WWOX: variants seen among roughly 807,000 people sequenced by gnomAD.
WWOX encodes WW domain containing oxidoreductase, also known as WW domain-containing oxidoreductase.
A neutral mutation model predicts 46.2 loss-of-function variants in WWOX; 69 were observed. The ratio of observed to expected loss-of-function variants is 1.49; its 90% CI spans 1.23 to 1.82. The LOEUF is 1.82. Among genes scored for constraint, WWOX ranks in the 40% most tolerant of loss-of-function variants. The pLI is 0.00. For synonymous variants in WWOX, 359 were observed against 202.6 expected (o/e 1.77, Z -6.56); for missense variants, 919 against 542.6 (o/e 1.69, Z -6.89).
At chr16:78,491,926 C>T (rs1225941414) in intron 8 of WWOX, among the ~76,000 whole-genome samples, 1 of 152,156 alleles carries the variant, frequency 6.6e-6, no homozygotes, top group Admixed American at 6.5e-5. Flanking sequence ...GATTCTGCAG[C>T]CCAGGGTGCT....
intron 5 of WWOX, among the ~76,000 whole-genome samples, chr16:78,365,788 T>A (rs2081523758): frequency 6.6e-6 from 1 of 152,192 alleles, no homozygotes; most frequent in Non-Finnish European, 1.5e-5. Context: ...GCCCCTCCTC[T>A]ATGGCTCCCC....
rs527983029 is a variant in WWOX, at chr16:78,559,452, AAAGAGATGTTCTCCAGCC to A, written c.1056+126703_1056+126720del. Among the ~76,000 whole-genome samples, 803 of 152,276 alleles carry A rather than the reference AAAGAGATGTTCTCCAGCC, an allele frequency of 5.3e-3. 8 individuals are homozygous for A. The highest frequency in any genetic ancestry group is 0.017 in the African/African-American group (727 of 41,560). ...TCAAATTCTAGCATGAGACTGGGAGAAAGAGATGTTCTCCAGCCAATGGATTTATGAAATGAATGAACT... is the reference window on the plus strand; with the variant it reads ...TCAAATTCTAGCATGAGACTGGGAGAAATGGATTTATGAAATGAATGAACT... On this transcript the variant is annotated intron_variant, in intron 8 of 8. Transcript: ENST00000566780.
chr16:78,158,139 T>C (rs191114333), intron 4 of WWOX, among the ~76,000 whole-genome samples: 1 of 152,194 alleles, frequency 6.6e-6, no homozygotes, highest in Non-Finnish European at 1.5e-5. Context: ...TCTGTATAAA[T>C]AGACTGTTTT....
chr16:78,708,770 G>C (rs750801605), intron 8 of WWOX, among the ~76,000 whole-genome samples: 1 of 152,178 alleles, frequency 6.6e-6, no homozygotes, highest in Non-Finnish European at 1.5e-5. Flanking sequence ...GTTGAAATCA[G>C]TGACAGAGGC....
intron 8 of WWOX, among the ~76,000 whole-genome samples, chr16:78,497,787 C>T (rs922116435): frequency 1.3e-5 from 2 of 151,336 alleles, no homozygotes; most frequent in African/African-American, 4.9e-5. Context: ...AGCTGTTTTT[C>T]ACAATGAGAG....
chr16:78,133,290 T>C (rs1002059965), intron 4 of WWOX, among the ~76,000 whole-genome samples: 6 of 152,220 alleles, frequency 3.9e-5, no homozygotes, highest in Non-Finnish European at 8.8e-5. Context: ...AGATGGAGTC[T>C]TGCACTGTCA....
At chr16:78,150,855 C>T (rs2034380926) in intron 4 of WWOX, among the ~76,000 whole-genome samples, 1 of 152,208 alleles carries the variant, frequency 6.6e-6, no homozygotes, top group Middle Eastern at 3.4e-3. Flanking sequence ...TCCCCTCACC[C>T]ACATTGCTCA....
intron 8 of WWOX, among the ~76,000 whole-genome samples, chr16:78,976,616 A>T (rs932412553): frequency 1.3e-5 from 2 of 152,202 alleles, no homozygotes; most frequent in Admixed American, 1.3e-4. Context: ...TCCAAGCCTG[A>T]ACATCCACAC....
intron 8 of WWOX, among the ~76,000 whole-genome samples, chr16:79,034,952 G>A (rs1352176269): frequency 6.6e-6 from 1 of 152,132 alleles, no homozygotes; most frequent in Non-Finnish European, 1.5e-5. Flanking sequence ...TTGAAAGACA[G>A]TAAAGGCAAG....
intron 8 of WWOX, among the ~76,000 whole-genome samples, chr16:79,038,141 G>C (rs927881118): frequency 2.0e-5 from 3 of 152,090 alleles, no homozygotes; most frequent in African/African-American, 7.2e-5. Flanking sequence ...GTCCCCCCGT[G>C]AACCCCAGGA....
chr16:78,299,623 G>A (rs2080005409), intron 5 of WWOX, among the ~76,000 whole-genome samples: 1 of 151,398 alleles, frequency 6.6e-6, no homozygotes, highest in Non-Finnish European at 1.5e-5. Context: ...CACTTCCTAA[G>A]CTCAAGTGAT....
At chr16:78,338,272 A>G (rs4887954) in intron 5 of WWOX, among the ~76,000 whole-genome samples, 66,558 of 119,418 alleles carry the variant, frequency 0.56, 26,883 homozygotes, top group South Asian at 0.69. Context: ...GATACTGCCT[A>G]GTGAGCAGGT....
At chr16:78,516,174 C>A (rs1404329924) in intron 8 of WWOX, among the ~76,000 whole-genome samples, 2 of 152,202 alleles carry the variant, frequency 1.3e-5, no homozygotes, top group Admixed American at 1.3e-4. Context: ...CTGCCCAAGA[C>A]CACAGCTGAC....
At chr16:78,149,270 A>T (rs1188431582) in intron 4 of WWOX, among the ~76,000 whole-genome samples, 1 of 152,200 alleles carries the variant, frequency 6.6e-6, no homozygotes, top group Non-Finnish European at 1.5e-5. Flanking sequence ...TGTAAAGATC[A>T]TTTTTTACTG....
intron 8 of WWOX, among the ~76,000 whole-genome samples, chr16:78,887,317 A>G (rs757960093): frequency 6.6e-6 from 1 of 151,942 alleles, no homozygotes; most frequent in Non-Finnish European, 1.5e-5. Flanking sequence ...GCCCAACTCT[A>G]TTTTAATCTG....
chr16:79,008,893 GCA>G (rs202082047), intron 8 of WWOX, among the ~76,000 whole-genome samples: 11 of 23,136 alleles, frequency 4.8e-4, no homozygotes, highest in Non-Finnish European at 7.0e-4. Context: ...AATGAGCAGC[GCA>G]CACACACAAA....
At chr16:78,635,536 G>A (rs913643757) in intron 8 of WWOX, among the ~76,000 whole-genome samples, 2 of 152,054 alleles carry the variant, frequency 1.3e-5, no homozygotes, top group Admixed American at 6.6e-5. Flanking sequence ...GGGTGGGGAG[G>A]GCAGACAAGT....
chr16:78,652,788 A>G (rs555827138), intron 8 of WWOX, among the ~76,000 whole-genome samples: 10 of 152,318 alleles, frequency 6.6e-5, no homozygotes, highest in Admixed American at 1.3e-4. Context: ...ATACGTGTAT[A>G]TATTAGACTG....
intron 8 of WWOX, among the ~76,000 whole-genome samples, chr16:78,970,514 A>T (rs1329461924): frequency 6.6e-6 from 1 of 152,184 alleles, no homozygotes; most frequent in Non-Finnish European, 1.5e-5. Flanking sequence ...GACCCAAGGC[A>T]TTGTGTTTGA....
Sources: gnomAD v4.1 joint callset for allele counts (sites outside exome capture counted in the v4.1 genomes callset) on GRCh38, gnomAD v4.1.1 for gene constraint, MANE v1.5 for transcripts, NCBI Gene and HGNC (gene_info 2026-07-23, HGNC 2026-07-21) for gene names.